Variants in MEIOB observed in about 807,000 individuals in gnomAD.
MEIOB encodes meiosis specific with OB-fold.
Under a neutral mutation model 53.1 loss-of-function variants are expected in MEIOB, and 50 were observed. The ratio of observed to expected loss-of-function variants is 0.94; its 90% CI spans 0.75 to 1.19. The LOEUF (loss-of-function observed/expected upper bound fraction) is 1.19, where lower values mean the gene tolerates loss of function less well. Ranked by LOEUF, MEIOB falls within the 50% of genes most tolerant of loss-of-function variation. The probability of loss-of-function intolerance (pLI) is 0.00; values close to 1 mark genes in which losing one functional copy is unlikely to be tolerated. For synonymous variants in MEIOB, 192 were observed against 182.5 expected, an observed-to-expected ratio of 1.05 and a Z score of -0.42; for missense variants, 551 against 550.8, an observed-to-expected ratio of 1.00 and a Z score of 0.00.
At chr16:1,870,906 C>A (rs1434366280) in intron 1 of MEIOB, among the ~76,000 whole-genome samples, 1 of 152,098 alleles carries the variant, frequency 6.6e-6, no homozygotes, top group Non-Finnish European at 1.5e-5. Flanking sequence ...GAGGATGAGT[C>A]AGACATTTGA....
At position 1,834,141 on chromosome 16, in the gene MEIOB, A is replaced by G. The variant is rs1364928217; in HGVS notation, c.*115T>C. The G allele has an allele frequency of 1.1e-5, 7 of 631,204 alleles. No individual in the cohort carries two copies. Among genetic ancestry groups the G allele is most frequent in the South Asian group, 2.1e-5 (1 of 47,808 alleles). The allele number at this position is 631,204 out of a possible 1,614,324, so 39.1% of individuals were successfully genotyped here. A position where few individuals can be genotyped will look rare whatever the true frequency, so the allele number is the denominator to read the frequency against. ...CTCCACCATAACAATTTCTAGAAAC[A>G]TGTTCACCACATGTAAACAAAATGC... On this transcript the variant is annotated 3_prime_UTR_variant, in exon 14 of 14. Coordinates refer to ENST00000325962, the MANE Select transcript of MEIOB (RefSeq NM_001163560.3).
intron 10 of MEIOB, among the ~76,000 whole-genome samples, chr16:1,843,111 G>T (rs1898953631): frequency 6.6e-6 from 1 of 150,688 alleles, no homozygotes; most frequent in Non-Finnish European, 1.5e-5. Flanking sequence ...TGGCTAACAT[G>T]GTGAAACCCT....
chr16:1,868,503 G>A lies in MEIOB; in HGVS notation c.-9-319C>T, dbSNP rs1284102238. Among the ~76,000 whole-genome samples the A allele has an allele frequency of 2.0e-5, 3 of 151,612 alleles. No individual in the cohort carries two copies. The East Asian group carries it at 5.8e-4, about 30-fold the overall frequency. ...AGATCGCACTACTGCACTCCAGCCT[G>A]GGCAACAGAGCGAGACTCTGTCTCA... On this transcript the variant is annotated intron_variant, in intron 1 of 13. Coordinates refer to ENST00000325962, the MANE Select transcript of MEIOB (RefSeq NM_001163560.3).
At chr16:1,845,129 T>G (rs990728408) in intron 9 of MEIOB, among the ~76,000 whole-genome samples, 166 bp from the exon 10 acceptor site, 1 of 152,186 alleles carries the variant, frequency 6.6e-6, no homozygotes, top group Non-Finnish European at 1.5e-5. Context: ...TCTGTAAACA[T>G]AGAGAGATGT....
chr16:1,841,286 G>A (rs1377861223), intron 11 of MEIOB, among the ~76,000 whole-genome samples: 1 of 152,050 alleles, frequency 6.6e-6, no homozygotes, highest in Non-Finnish European at 1.5e-5. Flanking sequence ...CCATAGTGCT[G>A]GGATTACAGG....
intron 10 of MEIOB, among the ~76,000 whole-genome samples, chr16:1,843,110 T>C (rs1898953592): frequency 6.7e-6 from 1 of 150,328 alleles, no homozygotes; most frequent in Non-Finnish European, 1.5e-5. Context: ...CTGGCTAACA[T>C]GGTGAAACCC....
At chr16:1,844,827 T>A (rs751993181) in intron 10 of MEIOB, 35 bp downstream of exon 10, 2 of 1,242,950 alleles carry the variant, frequency 1.6e-6, no homozygotes, top group Non-Finnish European at 2.3e-6. Context: ...TTTCGGCCTT[T>A]AAAAAAATCC....
intron 2 of MEIOB, among the ~76,000 whole-genome samples, chr16:1,866,111 CATA>C (rs1284891324): frequency 1.3e-5 from 2 of 152,120 alleles, no homozygotes; most frequent in Non-Finnish European, 1.5e-5. Flanking sequence ...CCAGATGGAG[CATA>C]ATAACTGCCC....
intron 9 of MEIOB, among the ~76,000 whole-genome samples, chr16:1,847,612 G>A (rs1418149001): frequency 6.6e-6 from 1 of 151,926 alleles, no homozygotes; most frequent in Non-Finnish European, 1.5e-5. Context: ...GGGGAGGGGA[G>A]GGGAGGGGAG....
chr16:1,837,489 T>C (rs59746463), intron 13 of MEIOB, among the ~76,000 whole-genome samples: 27,039 of 152,048 alleles, frequency 0.18, 2,567 homozygotes, highest in South Asian at 0.27. Context: ...TACAGGTGTG[T>C]ACTATTGCAC....
At chr16:1,858,876 T>C (rs1899373653) in intron 5 of MEIOB, among the ~76,000 whole-genome samples, 1 of 152,222 alleles carries the variant, frequency 6.6e-6, no homozygotes. Context: ...TTCTTCCCTC[T>C]ACCAAGAATA....
intron 4 of MEIOB, among the ~76,000 whole-genome samples, chr16:1,861,365 ATT>A (rs1899436610): frequency 6.6e-6 from 1 of 152,178 alleles, no homozygotes; most frequent in Non-Finnish European, 1.5e-5. Context: ...ATCAAAATAT[ATT>A]CAGTGGCTGT....
Position 1,865,759 on chromosome 16 carries a change from GA to G in MEIOB, c.127+18del. The G allele has an allele frequency of 6.5e-7, 1 of 1,532,648 alleles. No homozygotes were observed. Among genetic ancestry groups the G allele is most frequent in the South Asian group, 1.2e-5 (1 of 82,058 alleles). The allele number at this position is 1,532,648 out of a possible 1,614,324, so 94.9% of individuals were successfully genotyped here. A position where few individuals can be genotyped will look rare whatever the true frequency, so the allele number is the denominator to read the frequency against. On this transcript the variant is annotated intron_variant, in intron 3 of 13. Transcript: ENST00000325962. Reference sequence around the variant, plus strand: ...CAAAGTTGATGAAAAATGAAACCAAGAGTTAAACAGAACTCAGCTTTTTCTG... The same window carrying G: ...CAAAGTTGATGAAAAATGAAACCAAGGTTAAACAGAACTCAGCTTTTTCTG...
intron 9 of MEIOB, among the ~76,000 whole-genome samples, chr16:1,845,494 T>C (rs1284970635): frequency 6.6e-6 from 1 of 152,018 alleles, no homozygotes; most frequent in East Asian, 1.9e-4. Flanking sequence ...CACTCCAGCC[T>C]GGGCAACAGA....
intron 1 of MEIOB, among the ~76,000 whole-genome samples, chr16:1,869,847 G>C (rs1899693838): frequency 6.7e-6 from 1 of 150,178 alleles, no homozygotes; most frequent in African/African-American, 2.5e-5. Context: ...TTGAGCATTT[G>C]ATTATACTGT....
intron 4 of MEIOB, among the ~76,000 whole-genome samples, chr16:1,860,801 C>G (rs1480343074): frequency 1.3e-5 from 2 of 152,116 alleles, no homozygotes; most frequent in South Asian, 4.1e-4. Context: ...TAGAGAGATA[C>G]CATACATTGT....
At chr16:1,834,896 T>C (rs957265066) in intron 13 of MEIOB, among the ~76,000 whole-genome samples, 3 of 151,712 alleles carry the variant, frequency 2.0e-5, no homozygotes, top group Non-Finnish European at 4.4e-5. Flanking sequence ...GATTGTGCCA[T>C]TGCACTCCAG....
intron 3 of MEIOB, 48 bp from the exon 4 acceptor site, chr16:1,862,164 G>T: frequency 6.8e-7 from 1 of 1,465,738 alleles, no homozygotes; most frequent in South Asian, 1.3e-5. Context: ...AGTTTCAATC[G>T]CTTCTCTGCC....
At chr16:1,847,184 G>A (rs891403127) in intron 9 of MEIOB, among the ~76,000 whole-genome samples, 5 of 151,522 alleles carry the variant, frequency 3.3e-5, no homozygotes, top group African/African-American at 4.8e-5. Flanking sequence ...TTTTTGGGCC[G>A]GGCGCTGTGG....
Sources: allele counts gnomAD v4.1 joint callset (sites outside exome capture counted in the v4.1 genomes callset), GRCh38; gene constraint gnomAD v4.1.1; transcripts MANE v1.5; gene names NCBI Gene and HGNC (gene_info 2026-07-23, HGNC 2026-07-21).